ESRRB: variants seen among roughly 807,000 people sequenced by gnomAD.
ESRRB encodes the protein estrogen related receptor beta.
In ESRRB, 16 loss-of-function variants were observed where a neutral mutation model predicts 46.0. The observed-to-expected ratio is 0.35, with a 90% CI of 0.24 to 0.53. ESRRB has a LOEUF of 0.53. Among genes scored for constraint, ESRRB ranks in the 20% least tolerant of loss-of-function variants. ESRRB has a pLI of 0.93. For missense variants in ESRRB, 488 were observed against 607.4 expected (o/e 0.80, Z 2.07); for synonymous variants, 246 against 259.6 (o/e 0.95, Z 0.50).
intron 2 of ESRRB, among the ~76,000 whole-genome samples, chr14:76,447,678 C>A (rs1328507171): frequency 6.6e-6 from 1 of 152,008 alleles, no homozygotes; most frequent in East Asian, 1.9e-4. Context: ...AGCCAGACAC[C>A]TGGGTCTTAC....
At chr14:76,459,678 G>A (rs979518030) in intron 2 of ESRRB, among the ~76,000 whole-genome samples, 1 of 152,064 alleles carries the variant, frequency 6.6e-6, no homozygotes, top group Admixed American at 6.6e-5. Context: ...GAATTTTACC[G>A]GGCTTACATG....
intron 1 of ESRRB, among the ~76,000 whole-genome samples, chr14:76,420,084 AC>A (rs1039010313): frequency 2.1e-4 from 32 of 152,182 alleles, no homozygotes; most frequent in African/African-American, 7.7e-4. Context: ...TGTAATGTAG[AC>A]TTTTTTTCTC....
intron 1 of ESRRB, among the ~76,000 whole-genome samples, chr14:76,378,292 T>C (rs1884862792): frequency 6.6e-6 from 1 of 152,156 alleles, no homozygotes. Flanking sequence ...AGGAGTGAGA[T>C]GGAGGCTTTA....
At chr14:76,426,442 G>T (rs957482518) in intron 1 of ESRRB, among the ~76,000 whole-genome samples, 1 of 152,168 alleles carries the variant, frequency 6.6e-6, no homozygotes, top group Non-Finnish European at 1.5e-5. Context: ...ATTAACTTTT[G>T]GTGAACTCCT....
chr14:76,427,337 G>A (rs940907137), intron 1 of ESRRB, among the ~76,000 whole-genome samples: 12 of 97,200 alleles, frequency 1.2e-4, no homozygotes, highest in Non-Finnish European at 1.9e-4. Flanking sequence ...TGCAGGAGCT[G>A]TGTGTGTGTG....
intron 1 of ESRRB, among the ~76,000 whole-genome samples, chr14:76,353,002 T>C (rs545678568): frequency 6.6e-6 from 1 of 151,218 alleles, no homozygotes; most frequent in Admixed American, 6.6e-5. Context: ...GCGCGCAGGG[T>C]CGCCGGGTAG....
chr14:76,404,178 A>G (rs906853363), intron 1 of ESRRB, among the ~76,000 whole-genome samples: 3 of 151,502 alleles, frequency 2.0e-5, no homozygotes, highest in East Asian at 1.9e-4. Context: ...TCTCATGTGT[A>G]TGTGTGTGTG....
chr14:76,406,006 A>G (rs113032639), intron 1 of ESRRB, among the ~76,000 whole-genome samples: 80 of 152,354 alleles, frequency 5.3e-4, no homozygotes, highest in African/African-American at 1.8e-3. Context: ...GCAAGTTGAC[A>G]TTAGGTTGTG....
upstream of ESRRB, among the ~76,000 whole-genome samples, chr14:76,372,797 A>T (rs575385435): frequency 2.8e-4 from 42 of 152,206 alleles, no homozygotes; most frequent in Non-Finnish European, 3.7e-4. Flanking sequence ...ATGCCACTGC[A>T]CTCTAGCCTG....
intron 1 of ESRRB, among the ~76,000 whole-genome samples, chr14:76,343,418 G>A (rs148452239): frequency 6.6e-6 from 1 of 152,262 alleles, no homozygotes; most frequent in Non-Finnish European, 1.5e-5. Context: ...CTCAAACTTA[G>A]TGTCTTAAAA....
At chr14:76,414,065 C>T in intron 1 of ESRRB, among the ~76,000 whole-genome samples, 1 of 36,334 alleles carries the variant, frequency 2.8e-5, no homozygotes, top group Admixed American at 2.3e-4. Context: ...GTCCCCGCCC[C>T]TGCACCGTCC....
At chr14:76,440,099 A>G (rs1012384229) in intron 2 of ESRRB, among the ~76,000 whole-genome samples, 3 of 152,012 alleles carry the variant, frequency 2.0e-5, no homozygotes, top group Non-Finnish European at 4.4e-5. Flanking sequence ...TGTGCGGGGG[A>G]AAAATATAAT....
intron 2 of ESRRB, among the ~76,000 whole-genome samples, chr14:76,452,662 A>AG (rs1566906593): frequency 8.0e-5 from 12 of 150,004 alleles, no homozygotes; most frequent in African/African-American, 3.0e-4. Flanking sequence ...ACAAAAAAAA[A>AG]GGTGGATTCA....
chr14:76,334,209 G>C (rs763251001), intron 1 of ESRRB, among the ~76,000 whole-genome samples: 1 of 152,190 alleles, frequency 6.6e-6, no homozygotes, highest in Non-Finnish European at 1.5e-5. Context: ...GGCCTGGGTG[G>C]GTGGCGAGGG....
rs1319207077 is a variant in ESRRB, at chr14:76,499,652, G to A, written c.*1194G>A. On this transcript the variant is annotated 3_prime_UTR_variant, in exon 7 of 7. Coordinates refer to ENST00000644823, the MANE Select transcript of ESRRB (RefSeq NM_001379180.1). ...GTTTGGTGTAGCTCCCCTGGGCACC[G>A]CGAGCACGCCAGCTCTCTGGCAGGA... 1.3e-5 allele frequency: 8 copies of A among 621,934 alleles called. No individual in the cohort carries two copies. The highest frequency in any genetic ancestry group is 3.6e-5 in the African/African-American group (2 of 54,990). 38.5% of individuals were successfully genotyped at this position (621,934 alleles called of 1,614,324 possible).
intron 1 of ESRRB, among the ~76,000 whole-genome samples, chr14:76,344,823 G>C (rs543062076): frequency 2.3e-5 from 3 of 128,838 alleles, no homozygotes; most frequent in Non-Finnish European, 5.1e-5. Context: ...CTGCACTCCA[G>C]CCTGGGTGAC....
At chr14:76,441,342 C>T (rs998777965) in intron 2 of ESRRB, among the ~76,000 whole-genome samples, 1 of 152,180 alleles carries the variant, frequency 6.6e-6, no homozygotes, top group East Asian at 1.9e-4. Context: ...CCTGGTGGGT[C>T]GCTCTGTAAA....
Position 76,482,833 on chromosome 14 carries a change from G to A in ESRRB, c.850+74G>A, listed in dbSNP as rs1889863589. The stretch of plus-strand genomic sequence containing the variant: ...TATCTCCGCAGCCTACCCAATGGCT[G>A]TGCTTCTGATGCCCGGATCCTGGAC... On this transcript the variant is annotated intron_variant, in intron 5 of 6. Coordinates refer to ENST00000644823, the MANE Select transcript of ESRRB (RefSeq NM_001379180.1). This position sits in a 1 kb window ranked among gnomAD's most constrained non-coding sequence, Gnocchi z 4.3. 1 of 1,578,988 alleles carries A rather than the reference G, an allele frequency of 6.3e-7. No individual in the cohort carries two copies.
rs140733116 is a variant in ESRRB at position 76,456,861 on chromosome 14, T to C, written c.461-5684T>C. ...CAGAGGGCCCTGGGCAACGCAGAGATGAAAGGGATGGTCCCTGTCTCCAGA... is the reference window on the plus strand; with the variant it reads ...CAGAGGGCCCTGGGCAACGCAGAGACGAAAGGGATGGTCCCTGTCTCCAGA... On this transcript the variant is annotated intron_variant, in intron 2 of 6. Transcript: ENST00000644823. Among the ~76,000 whole-genome samples the C allele has an allele frequency of 2.9e-3, 444 of 152,002 alleles. 5 individuals carry two copies. The highest frequency in any genetic ancestry group is 0.01 in the African/African-American group (422 of 41,456).
Sources: allele counts gnomAD v4.1 joint callset (sites outside exome capture counted in the v4.1 genomes callset), GRCh38; gene constraint gnomAD v4.1.1; non-coding constraint Gnocchi (gnomAD v3.1); transcripts MANE v1.5; gene names NCBI Gene and HGNC (gene_info 2026-07-23, HGNC 2026-07-21).